The following MYO3B variants were observed in gnomAD, a reference collection of about 807,000 sequenced individuals.
MYO3B encodes myosin-IIIb.
MYO3B carries 156 observed loss-of-function variants against 174.6 expected under a neutral mutation model. The ratio of observed to expected loss-of-function variants is 0.89; its 90% CI spans 0.78 to 1.02. MYO3B has a LOEUF of 1.02. Ranked by LOEUF, MYO3B falls within the 50% of genes least tolerant of loss-of-function variation. The pLI is 0.00. For synonymous variants in MYO3B, 563 were observed against 569.1 expected, an observed-to-expected ratio of 0.99 and a Z score of 0.15; for missense variants, 1,632 against 1,639.4, an observed-to-expected ratio of 1.00 and a Z score of 0.08.
intron 8 of MYO3B, among the ~76,000 whole-genome samples, chr2:170,345,666 T>C (rs1000181271): frequency 6.6e-6 from 1 of 151,938 alleles, no homozygotes; most frequent in Non-Finnish European, 1.5e-5. Context: ...CCCCATGTCA[T>C]GGGTCGAATT....
At chr2:170,305,864 G>T (rs1305038442) in intron 7 of MYO3B, among the ~76,000 whole-genome samples, 1 of 152,156 alleles carries the variant, frequency 6.6e-6, no homozygotes, top group Non-Finnish European at 1.5e-5. Context: ...TGGGATTACA[G>T]GTATGCATTA....
chr2:170,462,933 G>A (rs1684392433), intron 23 of MYO3B, among the ~76,000 whole-genome samples: 1 of 152,224 alleles, frequency 6.6e-6, no homozygotes, highest in Non-Finnish European at 1.5e-5. Flanking sequence ...ATCAGAGTCT[G>A]ACGACGTGGA....
intron 25 of MYO3B, among the ~76,000 whole-genome samples, chr2:170,471,466 A>C (rs1330946644): frequency 6.6e-6 from 1 of 152,142 alleles, no homozygotes; most frequent in South Asian, 2.1e-4. Context: ...CTAAGAAGCT[A>C]TCATCTAATC....
At chr2:170,220,236 A>C (rs28375049) in intron 6 of MYO3B, among the ~76,000 whole-genome samples, 72,855 of 149,074 alleles carry the variant, frequency 0.49, 18,008 homozygotes, top group African/African-American at 0.59. Flanking sequence ...CCAGCCTGGG[A>C]GACAGAGTGA....
At chr2:170,179,369 G>C (rs2092369619) in intron 1 of MYO3B, among the ~76,000 whole-genome samples, 1 of 152,142 alleles carries the variant, frequency 6.6e-6, no homozygotes, top group African/African-American at 2.4e-5. Flanking sequence ...TTGTGAAGAA[G>C]CCAGTTCCTA....
At chr2:170,598,330 G>A (rs1412248694) in intron 32 of MYO3B, among the ~76,000 whole-genome samples, 4 of 152,310 alleles carry the variant, frequency 2.6e-5, no homozygotes, top group African/African-American at 7.2e-5. Flanking sequence ...ACATCAAAGG[G>A]CCTCACGAAC....
intron 13 of MYO3B, among the ~76,000 whole-genome samples, chr2:170,386,853 T>C (rs13004172): frequency 0.24 from 36,448 of 152,244 alleles, 4,897 homozygotes; most frequent in Non-Finnish European, 0.31. Context: ...GTGTTTTATC[T>C]GTCAAGGATT....
chr2:170,312,107 A>G (rs2093744086), intron 7 of MYO3B, among the ~76,000 whole-genome samples: 1 of 152,242 alleles, frequency 6.6e-6, no homozygotes, highest in South Asian at 2.1e-4. Context: ...ACTATGTCTT[A>G]TTTCTTTGCA....
At chr2:170,314,970 C>G (rs1436396056) in intron 7 of MYO3B, among the ~76,000 whole-genome samples, 1 of 152,222 alleles carries the variant, frequency 6.6e-6, no homozygotes, top group Non-Finnish European at 1.5e-5. Flanking sequence ...AACAGTCATT[C>G]TTGGCAGGAG....
chr2:170,319,159 A>T (rs540990675), intron 7 of MYO3B, among the ~76,000 whole-genome samples: 2 of 152,346 alleles, frequency 1.3e-5, no homozygotes, highest in South Asian at 4.1e-4. Context: ...TAGTAGCTCA[A>T]TTCTCAAACT....
At chr2:170,468,873 G>C (rs1684801529) in intron 25 of MYO3B, among the ~76,000 whole-genome samples, 1 of 152,174 alleles carries the variant, frequency 6.6e-6, no homozygotes, top group South Asian at 2.1e-4. Context: ...ACATAGGGCT[G>C]AGTCAGGCTG....
chr2:170,445,337 T>C (rs1379513858), intron 23 of MYO3B, among the ~76,000 whole-genome samples: 1 of 149,424 alleles, frequency 6.7e-6, no homozygotes, highest in Non-Finnish European at 1.5e-5. Flanking sequence ...CTTGCGGGGA[T>C]ACATTTTTTT....
chr2:170,591,070 T>C (rs1693794170), intron 32 of MYO3B, among the ~76,000 whole-genome samples: 1 of 152,214 alleles, frequency 6.6e-6, no homozygotes, highest in African/African-American at 2.4e-5. Flanking sequence ...AGTGGGCCTT[T>C]GGATGCTTGA....
intron 32 of MYO3B, among the ~76,000 whole-genome samples, chr2:170,582,167 A>G (rs1693192640): frequency 6.6e-6 from 1 of 152,246 alleles, no homozygotes; most frequent in African/African-American, 2.4e-5. Flanking sequence ...CCGTAATCAG[A>G]TTAAAGTTCA....
At chr2:170,589,635 A>G (rs1693701480) in intron 32 of MYO3B, among the ~76,000 whole-genome samples, 1 of 152,224 alleles carries the variant, frequency 6.6e-6, no homozygotes, top group Non-Finnish European at 1.5e-5. Flanking sequence ...CAGCTGCACA[A>G]TGTGTTTATG....
chr2:170,490,495 A>G (rs1686398979), intron 25 of MYO3B, among the ~76,000 whole-genome samples: 1 of 152,006 alleles, frequency 6.6e-6, no homozygotes, highest in Non-Finnish European at 1.5e-5. Context: ...TCAAATTAAG[A>G]CAATTCTACT....
At chr2:170,208,587 G>A (rs1439474714) in intron 3 of MYO3B, among the ~76,000 whole-genome samples, 1 of 152,190 alleles carries the variant, frequency 6.6e-6, no homozygotes, top group Non-Finnish European at 1.5e-5. Flanking sequence ...TGCAGCTGGA[G>A]ATTCCTGGTT....
intron 9 of MYO3B, among the ~76,000 whole-genome samples, chr2:170,370,900 C>CTT (rs568658992): frequency 6.7e-6 from 1 of 148,928 alleles, no homozygotes; most frequent in African/African-American, 2.5e-5. Context: ...CTCTCTCTCT[C>CTT]TTTTTTTTTC....
chr2:170,438,886 C>T (rs183805702), intron 22 of MYO3B, among the ~76,000 whole-genome samples: 34 of 152,078 alleles, frequency 2.2e-4, no homozygotes, highest in Admixed American at 2.1e-3. Flanking sequence ...CCAGCTTTGG[C>T]CTCCCAAAGT....
Sources: gnomAD v4.1 joint callset for allele counts (sites outside exome capture counted in the v4.1 genomes callset) on GRCh38, gnomAD v4.1.1 for gene constraint, MANE v1.5 for transcripts, NCBI Gene and HGNC (gene_info 2026-07-23, HGNC 2026-07-21) for gene names.